The following HSD17B4 variants were observed in gnomAD, a reference collection of about 807,000 sequenced individuals.
HSD17B4 encodes the protein peroxisomal multifunctional enzyme type 2.
A neutral mutation model predicts 101.0 loss-of-function variants in HSD17B4; 70 were observed. The observed-to-expected ratio is 0.69, with a 90% CI of 0.57 to 0.85. The LOEUF (loss-of-function observed/expected upper bound fraction) is 0.85. Among genes scored for constraint, HSD17B4 ranks in the 40% least tolerant of loss-of-function variants. The probability of loss-of-function intolerance (pLI) is 0.00; values close to 1 mark genes in which losing one functional copy is unlikely to be tolerated. For missense variants in HSD17B4, 984 were observed against 892.4 expected, an observed-to-expected ratio of 1.10 and a Z score of -1.31; for synonymous variants, 347 against 297.1, an observed-to-expected ratio of 1.17 and a Z score of -1.73.
Position 119,496,627 on chromosome 5 carries a change from C to T in HSD17B4, c.953C>T (p.Ser318Phe). 2 of 1,594,236 alleles carry T rather than the reference C, an allele frequency of 1.3e-6. No homozygotes were observed. The highest frequency in any genetic ancestry group is 1.7e-6 in the Non-Finnish European group (2 of 1,161,952). Residue 318 changes from serine to phenylalanine, a missense_variant, in exon 12 of 24, where the codon TCT (serine) becomes TTT (phenylalanine). Transcript: ENST00000510025. ...VSANHTSRAT[S>F]TATSGFAGAI... ...GCAAATCATACTAGTCGTGCAACGT[C>T]TACAGCAACATCAGGATTTGTAAGT... is the stretch of plus-strand genomic sequence containing the variant.
chr5:119,487,870 A>G lies in HSD17B4; in HGVS notation c.623-1322A>G, dbSNP rs75162318. ...AATTTGTTTTAATGTACAATTTGAG[A>G]TGGTTGGAGTCTTCCTTTTGTTTTT... On this transcript the variant is annotated intron_variant, in intron 8 of 23. Transcript: ENST00000510025. Among the ~76,000 whole-genome samples the G allele has an allele frequency of 1.7e-3, 256 of 152,198 alleles. 2 individuals carry two copies. The East Asian group carries it at 0.019, about 11-fold the overall frequency.
At chr5:119,479,999 A>C (rs935826226) in intron 8 of HSD17B4, among the ~76,000 whole-genome samples, 15 of 152,064 alleles carry the variant, frequency 9.9e-5, no homozygotes, top group African/African-American at 3.6e-4. Context: ...CCTCGCCAGC[A>C]TTTTTTATTG....
chr5:119,493,890 C>G lies in HSD17B4; in HGVS notation c.812C>G (p.Ala271Gly), dbSNP rs755820270. 3.7e-6 allele frequency: 6 copies of G among 1,613,214 alleles called. No homozygotes were observed. Among genetic ancestry groups the G allele is most frequent in the Non-Finnish European group, 5.1e-6 (6 of 1,179,398 alleles). The change falls in exon 11 of 24, where the codon GCT becomes GGT. Residue 271 changes from alanine (A) to glycine (G), a missense_variant. Coordinates refer to ENST00000510025, the MANE Select transcript of HSD17B4 (RefSeq NM_000414.4). ...CCAATGACTCCTGAGGCAGTCAAGG[C>G]TAACTGGAAGAAGATCTGTGACTTT... ...NHPMTPEAVK[A>G]NWKKICDFEN...
Position 119,475,847 on chromosome 5 carries a change from C to A in HSD17B4, c.326C>A (p.Ala109Asp). The A allele has an allele frequency of 6.3e-7, 1 of 1,598,974 alleles. No homozygotes were observed. The highest frequency in any genetic ancestry group is 8.6e-7 in the Non-Finnish European group (1 of 1,166,516). The change falls in exon 6 of 24, where the codon GCT becomes GAT. Residue 109 changes from alanine to aspartate, a missense_variant. Ala to Asp is a moderately radical substitution (Grantham distance 126, BLOSUM62 -2). Transcript: ENST00000510025. ...NAGILRDRSF[A>D]RISDEDWDII... Reference sequence around the variant, plus strand: ...AGAATTCTGAGGGATCGTTCCTTTGCTAGGATAAGTGATGAAGACTGGGGT... The same window carrying A: ...AGAATTCTGAGGGATCGTTCCTTTGATAGGATAAGTGATGAAGACTGGGGT...
intron 23 of HSD17B4, among the ~76,000 whole-genome samples, chr5:119,538,474 G>C (rs917812348): frequency 2.0e-5 from 3 of 152,064 alleles, no homozygotes; most frequent in African/African-American, 7.2e-5. Context: ...ATTTATGTAT[G>C]TTAGTCATTT....
intron 13 of HSD17B4, 47 bp from the exon 14 acceptor site, chr5:119,501,994 G>T: frequency 8.6e-7 from 1 of 1,165,934 alleles, no homozygotes; most frequent in Non-Finnish European, 1.3e-6. Flanking sequence ...GGCAGAACCT[G>T]TGGAGCAAGA....
intron 4 of HSD17B4, among the ~76,000 whole-genome samples, chr5:119,474,734 T>C (rs1489831218): frequency 1.3e-5 from 2 of 152,174 alleles, no homozygotes; most frequent in African/African-American, 4.8e-5. Context: ...ATAATTCAGT[T>C]AAACCTCAAA....
At chr5:119,460,288 A>G (rs779620258) in intron 2 of HSD17B4, among the ~76,000 whole-genome samples, 15 of 152,240 alleles carry the variant, frequency 9.9e-5, no homozygotes, top group Non-Finnish European at 1.5e-5. Flanking sequence ...CACTCTCCGC[A>G]ACGGTAAGTA....
At chr5:119,500,738 A>T (rs1751081292) in intron 13 of HSD17B4, among the ~76,000 whole-genome samples, 1 of 152,130 alleles carries the variant, frequency 6.6e-6, no homozygotes, top group South Asian at 2.1e-4. Flanking sequence ...TAGCAAAAAG[A>T]GACTGCACAG....
chr5:119,487,515 T>G (rs1259370286), intron 8 of HSD17B4: 1 of 152,000 alleles, frequency 6.6e-6, no homozygotes, highest in Non-Finnish European at 1.5e-5. Context: ...TAACATTGAG[T>G]TTAATAGATG....
intron 2 of HSD17B4, among the ~76,000 whole-genome samples, chr5:119,460,635 A>G (rs1580508074): frequency 6.6e-6 from 1 of 152,222 alleles, no homozygotes; most frequent in Non-Finnish European, 1.5e-5. Context: ...TCTAACATGT[A>G]TTTATTAAGC....
At chr5:119,520,194 TCTGGGTTGACTGG>T (rs1752991019) in intron 17 of HSD17B4, among the ~76,000 whole-genome samples, 2 of 151,644 alleles carry the variant, frequency 1.3e-5, no homozygotes, top group African/African-American at 4.8e-5. Flanking sequence ...TTTCCAAGAC[TCTGGGTTGACTGG>T]GTGATCTTTC....
At chr5:119,497,455 A>T (rs1056035621) in intron 12 of HSD17B4, among the ~76,000 whole-genome samples, 19 of 152,066 alleles carry the variant, frequency 1.2e-4, no homozygotes, top group African/African-American at 4.3e-4. Context: ...ATAGTTCTTT[A>T]TCTCTTTAAG....
chr5:119,520,003 A>G lies in HSD17B4; in HGVS notation c.1503+4957A>G, dbSNP rs191728419. Among the ~76,000 whole-genome samples the G allele has an allele frequency of 4.2e-4, 64 of 152,284 alleles. 1 individual carries two copies. Among genetic ancestry groups the G allele is most frequent in the African/African-American group, 1.5e-3 (62 of 41,560 alleles). On this transcript the variant is annotated intron_variant, in intron 17 of 23. Coordinates refer to ENST00000510025, the MANE Select transcript of HSD17B4 (RefSeq NM_000414.4). ...CTCCTTTGAACTTTTTCTCTAGGCT[A>G]CCATAGCACCCATCGCCTTTAGTTT...
intron 14 of HSD17B4, among the ~76,000 whole-genome samples, chr5:119,502,686 CA>C (rs770653362): frequency 1.3e-5 from 2 of 151,994 alleles, no homozygotes; most frequent in African/African-American, 2.4e-5. Context: ...TGGTAGAATA[CA>C]AAAAGGAATG....
chr5:119,513,873 A>G (rs914542893), intron 16 of HSD17B4, among the ~76,000 whole-genome samples: 2 of 152,176 alleles, frequency 1.3e-5, no homozygotes, highest in Admixed American at 6.5e-5. Flanking sequence ...CTTTGTATAC[A>G]TGGCATACAA....
intron 23 of HSD17B4, 46 bp from the exon 24 acceptor site, chr5:119,541,859 A>G (rs766707928): frequency 2.0e-5 from 23 of 1,130,022 alleles, no homozygotes; most frequent in Non-Finnish European, 3.0e-5. Flanking sequence ...GAAATAAACT[A>G]TAACATGGTA....
rs925798271 is a variant in HSD17B4, at chr5:119,452,553, G to C, written c.-23G>C. 1.2e-6 allele frequency: 2 copies of C among 1,613,932 alleles called. No homozygotes were observed. The highest frequency in any genetic ancestry group is 1.7e-4 in the Middle Eastern group (1 of 5,912). On this transcript the variant is annotated 5_prime_UTR_variant, in exon 1 of 24. Coordinates refer to ENST00000510025, the MANE Select transcript of HSD17B4 (RefSeq NM_000414.4). Reference sequence around the variant, plus strand: ...GTCCAGCGGCTCTGCTTGTTCGTGTGTGTGTCGTTGCAGGCCTTATTCATG... The same window carrying C: ...GTCCAGCGGCTCTGCTTGTTCGTGTCTGTGTCGTTGCAGGCCTTATTCATG...
intron 20 of HSD17B4, among the ~76,000 whole-genome samples, chr5:119,528,425 C>G (rs1753786551): frequency 6.6e-6 from 1 of 152,068 alleles, no homozygotes; most frequent in Non-Finnish European, 1.5e-5. Context: ...TTTTCAAATT[C>G]CTCCTGTCCT....
Sources: allele counts gnomAD v4.1 joint callset (sites outside exome capture counted in the v4.1 genomes callset), GRCh38; gene constraint gnomAD v4.1.1; transcripts MANE v1.5; gene names NCBI Gene and HGNC (gene_info 2026-07-23, HGNC 2026-07-21).